The following SLC31A1 variants were observed in gnomAD, a reference collection of about 807,000 sequenced individuals.
The protein encoded by SLC31A1 is solute carrier family 31 member 1.
SLC31A1 carries 5 observed loss-of-function variants against 17.2 expected under a neutral mutation model. The ratio of observed to expected loss-of-function variants is 0.29; its 90% confidence interval spans 0.15 to 0.61. SLC31A1 has a LOEUF of 0.61. SLC31A1 is among the 20% of genes least tolerant of loss of function. The pLI, the probability that SLC31A1 is intolerant of heterozygous loss-of-function variation, is 0.86. For synonymous variants in SLC31A1, 76 were observed against 78.8 expected, an observed-to-expected ratio of 0.96 and a Z score of 0.19; for missense variants, 161 against 241.4, an observed-to-expected ratio of 0.67 and a Z score of 2.21.
At chr9:113,232,199 T>C (rs1174227193) in intron 1 of SLC31A1, among the ~76,000 whole-genome samples, 4 of 152,236 alleles carry the variant, frequency 2.6e-5, no homozygotes, top group African/African-American at 9.6e-5. Context: ...TTAGAATTGC[T>C]ACTACTCTTA....
In SLC31A1 at chr9:113,256,224, A is replaced by G. The variant is rs1372979710; in HGVS notation, c.76A>G (p.Thr26Ala). ...CATGCAACCTTCTCACCATCACCCA[A>G]CCACTTCAGCCTCACACTCCCATGG... The part of the protein sequence containing the change: ...STMQPSHHHP[T>A]TSASHSHGGG... The change falls in exon 2 of 5, where the codon ACC (threonine) becomes GCC (alanine). Residue 26 changes from threonine (T) to alanine (A), a missense_variant. Thr to Ala is a moderately conservative substitution (Grantham distance 58). Coordinates refer to ENST00000374212, the MANE Select transcript of SLC31A1 (RefSeq NM_001859.4). The G allele has an allele frequency of 2.5e-6, 4 of 1,613,682 alleles. No individual in the cohort carries two copies. The highest frequency in any genetic ancestry group is 1.7e-5 in the Admixed American group (1 of 59,992).
chr9:113,256,424 T>G (rs913244444), intron 2 of SLC31A1, 147 bp downstream of exon 2: 7 of 859,456 alleles, frequency 8.1e-6, no homozygotes, highest in South Asian at 1.9e-5. Flanking sequence ...AGTCAAGTCA[T>G]TTGCTCCAGA....
At chr9:113,223,018 G>C (rs1831301283) in intron 1 of SLC31A1, among the ~76,000 whole-genome samples, 1 of 151,936 alleles carries the variant, frequency 6.6e-6, no homozygotes, top group South Asian at 2.1e-4. Context: ...TCTCACTGCA[G>C]AATCTTTCTA....
At chr9:113,250,129 AG>A (rs1564215138) in intron 1 of SLC31A1, among the ~76,000 whole-genome samples, 1 of 147,026 alleles carries the variant, frequency 6.8e-6, no homozygotes, top group Non-Finnish European at 1.5e-5. Flanking sequence ...GCGATTCCTC[AG>A]GGATCTAGAA....
chr9:113,250,001 T>C (rs2119008824), intron 1 of SLC31A1, among the ~76,000 whole-genome samples: 1 of 152,150 alleles, frequency 6.6e-6, no homozygotes, highest in African/African-American at 2.4e-5. Flanking sequence ...CCAGTTAGAA[T>C]GGCAATCATT....
chr9:113,243,550 GTTTC>G (rs1281855675), intron 1 of SLC31A1, among the ~76,000 whole-genome samples: 1 of 84,660 alleles, frequency 1.2e-5, no homozygotes, highest in Non-Finnish European at 2.2e-5. Flanking sequence ...GAGATAAAGT[GTTTC>G]TTTGTCTTAT....
chr9:113,249,015 T>C (rs1336827160), intron 1 of SLC31A1, among the ~76,000 whole-genome samples: 4 of 152,198 alleles, frequency 2.6e-5, no homozygotes, highest in Non-Finnish European at 5.9e-5. Flanking sequence ...ATGTATGTTA[T>C]CTCATATAAT....
chr9:113,233,270 C>T (rs2118988653), intron 1 of SLC31A1, among the ~76,000 whole-genome samples: 1 of 151,152 alleles, frequency 6.6e-6, no homozygotes, highest in East Asian at 2.0e-4. Context: ...AGTAGATCTC[C>T]TTGTGTATTT....
At chr9:113,241,049 CA>C (rs11330445) in intron 1 of SLC31A1, among the ~76,000 whole-genome samples, 25,276 of 94,508 alleles carry the variant, frequency 0.27, 1,930 homozygotes, top group East Asian at 0.45. Context: ...GACTCTGTCT[CA>C]AAAAAAAAAA....
At chr9:113,242,213 G>T (rs117747091) in intron 1 of SLC31A1, among the ~76,000 whole-genome samples, 1 of 152,130 alleles carries the variant, frequency 6.6e-6, no homozygotes, top group Non-Finnish European at 1.5e-5. Context: ...AGACGTTGGA[G>T]TATGGCATGG....
At chr9:113,247,933 TTAAC>T (rs1168603162) in intron 1 of SLC31A1, among the ~76,000 whole-genome samples, 3 of 152,216 alleles carry the variant, frequency 2.0e-5, no homozygotes, top group Admixed American at 6.5e-5. Flanking sequence ...ACTCCTTTTA[TTAAC>T]TATTTTATGT....
rs1160938490 is a variant in SLC31A1, at chr9:113,263,718, A to G, written c.*3245A>G. On this transcript the variant is annotated 3_prime_UTR_variant, in exon 5 of 5. Coordinates refer to ENST00000374212, the MANE Select transcript of SLC31A1 (RefSeq NM_001859.4). ...AGGCAGTTGACCCACTGGAATTTCT[A>G]TAAGGCTGGTACCCTTCCCAGAGTT... 3 of 152,620 alleles carry G rather than the reference A, an allele frequency of 2.0e-5. No individual in the cohort carries two copies. The highest frequency in any genetic ancestry group is 6.5e-5 in the Admixed American group (1 of 15,276). 9.5% of individuals were successfully genotyped at this position (152,620 alleles called of 1,614,324 possible). A position where few individuals can be genotyped will look rare whatever the true frequency, so the allele number is the denominator to read the frequency against.
chr9:113,232,398 C>G (rs1465920767), intron 1 of SLC31A1, among the ~76,000 whole-genome samples: 1 of 152,022 alleles, frequency 6.6e-6, no homozygotes, highest in African/African-American at 2.4e-5. Context: ...TAAAACATTT[C>G]AAAGAAAATG....
rs906841793 is a variant in SLC31A1, at chr9:113,221,627, C to T, written c.-87C>T. On this transcript the variant is annotated 5_prime_UTR_variant, in exon 1 of 5. The change creates a new upstream start codon in the 5' untranslated region. Transcript: ENST00000374212. Reference sequence around the variant, plus strand: ...CGTTCGAAGAGTCGTGAGGGGGTGACGGGTTAAGATTCGGAGAGAGAGGTG... The same window carrying T: ...CGTTCGAAGAGTCGTGAGGGGGTGATGGGTTAAGATTCGGAGAGAGAGGTG... 1.1e-5 allele frequency: 4 copies of T among 365,830 alleles called. No individual in the cohort carries two copies. The Admixed American group carries it at 1.6e-4, about 15-fold the overall frequency. The allele number at this position is 365,830 out of a possible 1,614,324, so 22.7% of individuals were successfully genotyped here. A position where few individuals can be genotyped will look rare whatever the true frequency, so the allele number is the denominator to read the frequency against.
chr9:113,236,912 AGT>A (rs1262392484), intron 1 of SLC31A1, among the ~76,000 whole-genome samples: 2 of 152,148 alleles, frequency 1.3e-5, no homozygotes, highest in Non-Finnish European at 2.9e-5. Flanking sequence ...CTGTTGAGTC[AGT>A]GTTTGAGAGT....
intron 1 of SLC31A1, among the ~76,000 whole-genome samples, chr9:113,246,711 G>T (rs1272547203): frequency 6.6e-6 from 1 of 150,648 alleles, no homozygotes; most frequent in Admixed American, 6.6e-5. Flanking sequence ...TATATCCCAG[G>T]CTGGAGTGCA....
intron 2 of SLC31A1, 71 bp from the exon 3 acceptor site, chr9:113,257,042 G>A: frequency 1.6e-6 from 2 of 1,222,500 alleles, no homozygotes; most frequent in Non-Finnish European, 2.4e-6. Flanking sequence ...AATGTTCTAA[G>A]CTTCTTTGCC....
intron 1 of SLC31A1, among the ~76,000 whole-genome samples, chr9:113,248,135 A>G (rs989170360): frequency 6.6e-6 from 1 of 152,140 alleles, no homozygotes; most frequent in African/African-American, 2.4e-5. Flanking sequence ...CCTGGCCAAC[A>G]TGGCGAAACC....
chr9:113,256,448 T>C (rs1461568531), intron 2 of SLC31A1, 171 bp downstream of exon 2: 5 of 673,980 alleles, frequency 7.4e-6, no homozygotes, highest in African/African-American at 1.8e-5. Context: ...TGTGGCAAGC[T>C]ACTTACAGAG....
Sources: allele counts gnomAD v4.1 joint callset (sites outside exome capture counted in the v4.1 genomes callset), GRCh38; gene constraint gnomAD v4.1.1; transcripts MANE v1.5; gene names NCBI Gene and HGNC (gene_info 2026-07-23, HGNC 2026-07-21).